The following DPP6 variants were observed in gnomAD, a reference collection of about 807,000 sequenced individuals.
DPP6 encodes the protein A-type potassium channel modulatory protein DPP6.
DPP6 carries 69 observed loss-of-function variants against 122.6 expected under a neutral mutation model. The ratio of observed to expected loss-of-function variants is 0.56; its 90% confidence interval spans 0.46 to 0.69. DPP6 has a LOEUF of 0.69. Among genes scored for constraint, DPP6 ranks in the 30% least tolerant of loss-of-function variants. DPP6 has a pLI of 0.00. For synonymous variants in DPP6, 418 were observed against 433.1 expected, an observed-to-expected ratio of 0.97 and a Z score of 0.43; for missense variants, 928 against 1,116.9, an observed-to-expected ratio of 0.83 and a Z score of 2.41.
intron 7 of DPP6, among the ~76,000 whole-genome samples, chr7:154,677,558 G>A (rs1247713358): frequency 6.6e-6 from 1 of 152,218 alleles, no homozygotes; most frequent in East Asian, 1.9e-4. Context: ...ACTCCAAAAC[G>A]CTTTGTTAGA....
rs191200424 is a variant in DPP6 at position 154,377,700 on chromosome 7, T to A, written c.244-68514T>A. 1.2e-3 allele frequency among the ~76,000 whole-genome samples: 187 copies of A among 151,660 alleles called. 2 individuals carry two copies. The highest frequency in any genetic ancestry group is 2.0e-3 in the Non-Finnish European group (134 of 67,946). On this transcript the variant is annotated intron_variant, in intron 1 of 25. Transcript: ENST00000377770. The stretch of plus-strand genomic sequence containing the variant: ...CTTCCCCTTCACCTTCCACCATGAT[T>A]GTAAGTTTCCTGAGGCCTCCCCAGC...
intron 9 of DPP6, among the ~76,000 whole-genome samples, chr7:154,772,128 T>A (rs1796283054): frequency 6.6e-6 from 1 of 152,208 alleles, no homozygotes; most frequent in Non-Finnish European, 1.5e-5. Flanking sequence ...TACTCAAGAT[T>A]TGGGGTTTCA....
At chr7:154,002,747 C>T (rs1311898460) in intron 1 of DPP6, among the ~76,000 whole-genome samples, 1 of 152,176 alleles carries the variant, frequency 6.6e-6, no homozygotes. Context: ...TCATATGTGT[C>T]TCAATTTGCC....
rs182681907 is a variant in DPP6 at position 154,268,644 on chromosome 7, T to C, written c.244-177570T>C. Among the ~76,000 whole-genome samples, 524 of 152,288 alleles carry C rather than the reference T, an allele frequency of 3.4e-3. 2 individuals are homozygous for C. The highest frequency in any genetic ancestry group is 5.4e-3 in the Non-Finnish European group (364 of 68,028). ...GCCTACAATCAAGTTCTAAATTGTG[T>C]AGTTCAAACTAGGAGAACTGTGAGG... On this transcript the variant is annotated intron_variant, in intron 1 of 25. Transcript: ENST00000377770.
At chr7:154,449,576 A>G (rs575118436) in intron 2 of DPP6, among the ~76,000 whole-genome samples, 3 of 152,294 alleles carry the variant, frequency 2.0e-5, no homozygotes, top group South Asian at 4.1e-4. Flanking sequence ...TAGTAATTCT[A>G]CTCCTAGGTA....
At chr7:154,190,439 T>C (rs1798561708) in intron 1 of DPP6, among the ~76,000 whole-genome samples, 1 of 152,182 alleles carries the variant, frequency 6.6e-6, no homozygotes, top group Non-Finnish European at 1.5e-5. Flanking sequence ...GGTGATGGGT[T>C]CCTGGGCTGC....
chr7:154,305,213 C>G (rs1164134633), intron 1 of DPP6: 1 of 1,153,298 alleles, frequency 8.7e-7, no homozygotes, highest in African/African-American at 1.6e-5. Flanking sequence ...AAGCAGTTAT[C>G]ATTGTTTCTG....
At chr7:154,056,945 T>C (rs1364095895) in intron 1 of DPP6, among the ~76,000 whole-genome samples, 1 of 152,228 alleles carries the variant, frequency 6.6e-6, no homozygotes, top group Non-Finnish European at 1.5e-5. Flanking sequence ...AGTCTAAATC[T>C]TTCAACTGTC....
chr7:154,292,489 C>T (rs921212110), intron 1 of DPP6, among the ~76,000 whole-genome samples: 6 of 152,206 alleles, frequency 3.9e-5, no homozygotes, highest in Non-Finnish European at 8.8e-5. Context: ...CAATTCATTT[C>T]AGATGTGCTT....
At chr7:154,869,184 C>A (rs554776146) in intron 18 of DPP6, among the ~76,000 whole-genome samples, 7 of 152,302 alleles carry the variant, frequency 4.6e-5, no homozygotes, top group East Asian at 1.9e-4. Context: ...GTCTCTGGAA[C>A]CTCTTTGTCT....
chr7:154,264,532 A>C (rs1406721979), intron 1 of DPP6, among the ~76,000 whole-genome samples: 1 of 152,190 alleles, frequency 6.6e-6, no homozygotes, highest in South Asian at 2.1e-4. Flanking sequence ...TACTGTAAAG[A>C]TGAAAATTGT....
intron 1 of DPP6, among the ~76,000 whole-genome samples, chr7:153,999,430 C>T (rs1215390565): frequency 2.0e-5 from 3 of 152,340 alleles, no homozygotes; most frequent in Non-Finnish European, 2.9e-5. Flanking sequence ...TGCCCCATCA[C>T]ATCTTCAAGG....
intron 8 of DPP6, among the ~76,000 whole-genome samples, chr7:154,759,873 C>T (rs894625360): frequency 3.9e-5 from 6 of 152,220 alleles, no homozygotes; most frequent in Admixed American, 3.9e-4. Flanking sequence ...CGTGGTGGCT[C>T]ATGGCCTTGG....
intron 5 of DPP6, among the ~76,000 whole-genome samples, chr7:154,573,018 A>C (rs1006396836): frequency 6.6e-6 from 1 of 152,088 alleles, no homozygotes; most frequent in African/African-American, 2.4e-5. Flanking sequence ...CAAGAAATAT[A>C]GCTATTGTTA....
At chr7:154,733,946 T>A (rs1842458069) in intron 8 of DPP6, among the ~76,000 whole-genome samples, 1 of 152,238 alleles carries the variant, frequency 6.6e-6, no homozygotes, top group African/African-American at 2.4e-5. Flanking sequence ...TTGTGTGCCT[T>A]GTGTCACGCT....
At chr7:154,800,566 G>A (rs371022321) in intron 12 of DPP6, among the ~76,000 whole-genome samples, 5 of 152,214 alleles carry the variant, frequency 3.3e-5, no homozygotes, top group Non-Finnish European at 5.9e-5. Context: ...GCTGTTCACT[G>A]TCCGGGGACC....
intron 1 of DPP6, among the ~76,000 whole-genome samples, chr7:154,023,337 C>CACACAG (rs1798804739): frequency 6.6e-6 from 1 of 151,576 alleles, no homozygotes; most frequent in East Asian, 1.9e-4. Flanking sequence ...CACACACACA[C>CACACAG]ACACACACAC....
intron 7 of DPP6, among the ~76,000 whole-genome samples, chr7:154,717,398 A>G (rs544845100): frequency 2.7e-4 from 41 of 152,050 alleles, no homozygotes; most frequent in African/African-American, 9.9e-4. Flanking sequence ...ACACACACAC[A>G]CACGCACCCT....
intron 1 of DPP6, among the ~76,000 whole-genome samples, chr7:154,309,788 C>A (rs1283558794): frequency 1.3e-5 from 2 of 152,124 alleles, no homozygotes; most frequent in African/African-American, 4.8e-5. Flanking sequence ...ATTGAGGAGT[C>A]CCAATAGGGA....
Sources: gnomAD v4.1 joint callset for allele counts (sites outside exome capture counted in the v4.1 genomes callset) on GRCh38, gnomAD v4.1.1 for gene constraint, MANE v1.5 for transcripts, NCBI Gene and HGNC (gene_info 2026-07-23, HGNC 2026-07-21) for gene names.